SIL1: variants seen among roughly 807,000 people sequenced by gnomAD.
The protein encoded by SIL1 is nucleotide exchange factor SIL1.
A neutral mutation model predicts 49.1 loss-of-function variants in SIL1; 40 were observed. That is an observed-to-expected ratio of 0.81 (90% CI 0.63 to 1.06). The LOEUF is 1.06. SIL1 is among the 50% of genes least tolerant of loss of function. SIL1 has a pLI of 0.00. For synonymous variants in SIL1, 253 were observed against 250.8 expected (o/e 1.01, Z -0.08); for missense variants, 500 against 572.6 (o/e 0.87, Z 1.29).
intron 2 of SIL1, among the ~76,000 whole-genome samples, chr5:139,125,524 C>A (rs1750734973): frequency 6.6e-6 from 1 of 152,136 alleles, no homozygotes; most frequent in African/African-American, 2.4e-5. Flanking sequence ...TTGACACAGC[C>A]CAAATTAAAC....
At chr5:139,025,874 T>A (rs1446392924) in intron 6 of SIL1, among the ~76,000 whole-genome samples, 1 of 152,252 alleles carries the variant, frequency 6.6e-6, no homozygotes, top group Non-Finnish European at 1.5e-5. Flanking sequence ...TCTGCCATTG[T>A]GGCATAAAAA....
At chr5:139,047,501 C>T (rs1769191507) in intron 4 of SIL1, among the ~76,000 whole-genome samples, 1 of 152,200 alleles carries the variant, frequency 6.6e-6, no homozygotes, top group African/African-American at 2.4e-5. Flanking sequence ...TCCCCATCTC[C>T]CTCTAGGCCA....
In SIL1 at chr5:139,127,739, C is replaced by G; in HGVS notation, c.105G>C (p.Leu35=). The change falls in exon 2 of 10, where the codon CTG becomes CTC. Residue 35 remains leucine (L), a splice_region_variant and synonymous_variant. Coordinates refer to ENST00000394817, the MANE Select transcript of SIL1 (RefSeq NM_022464.5). ...CFTFCLSHQN[L]KEFALTNPEK... is the part of the protein sequence containing the mutation. Reference sequence around the variant, plus strand: ...TCCCATTTACAATAAAGATATTTACCAGGTTCTGATGACTGAGGCAGAAGG... The same window carrying G: ...TCCCATTTACAATAAAGATATTTACGAGGTTCTGATGACTGAGGCAGAAGG... 6.2e-7 allele frequency: 1 copy of G among 1,608,162 alleles called. No homozygotes were observed. The highest frequency in any genetic ancestry group is 1.1e-5 in the South Asian group (1 of 90,102).
At chr5:139,053,126 A>T (rs1769330006) in intron 3 of SIL1, among the ~76,000 whole-genome samples, 1 of 152,182 alleles carries the variant, frequency 6.6e-6, no homozygotes, top group African/African-American at 2.4e-5. Context: ...AGGCTGCCTC[A>T]CCTGGAGAGA....
chr5:139,042,804 A>G, intron 4 of SIL1, 85 bp from the exon 5 acceptor site: 1 of 1,197,182 alleles, frequency 8.4e-7, no homozygotes, highest in South Asian at 1.2e-5. Context: ...CTGGGTGGCC[A>G]AGATGGAAGG....
At chr5:139,064,564 G>A (rs1405343252) in intron 3 of SIL1, among the ~76,000 whole-genome samples, 3 of 152,220 alleles carry the variant, frequency 2.0e-5, no homozygotes, top group African/African-American at 7.2e-5. Flanking sequence ...CCTTTCACCT[G>A]TCAAAGTGTA....
At chr5:139,120,856 T>G (rs1422663184) in intron 3 of SIL1, among the ~76,000 whole-genome samples, 179 bp downstream of exon 3, 3 of 152,200 alleles carry the variant, frequency 2.0e-5, no homozygotes, top group Non-Finnish European at 4.4e-5. Flanking sequence ...CAATCTCTGT[T>G]CTGCTGGAAA....
intron 3 of SIL1, among the ~76,000 whole-genome samples, chr5:139,087,253 A>G (rs1770243122): frequency 6.6e-6 from 1 of 152,186 alleles, no homozygotes; most frequent in African/African-American, 2.4e-5. Flanking sequence ...TTCATTCCTA[A>G]TCCAACATCC....
chr5:139,180,092 G>C (rs911290292), intron 1 of SIL1, among the ~76,000 whole-genome samples: 1 of 148,740 alleles, frequency 6.7e-6, no homozygotes, highest in Non-Finnish European at 1.5e-5. Context: ...GGCCAGGCAC[G>C]GTGGCTCATG....
chr5:139,079,094 C>G (rs1770014651), intron 3 of SIL1, among the ~76,000 whole-genome samples: 1 of 152,150 alleles, frequency 6.6e-6, no homozygotes, highest in Non-Finnish European at 1.5e-5. Flanking sequence ...TATCAGATAG[C>G]ACAGAAGTAG....
At chr5:139,165,149 G>A (rs1312998332) in intron 1 of SIL1, among the ~76,000 whole-genome samples, 1 of 152,186 alleles carries the variant, frequency 6.6e-6, no homozygotes. Flanking sequence ...TCTCTCTGAA[G>A]TGTGCTACCT....
At chr5:138,974,352 C>A (rs1026085937) in intron 7 of SIL1, among the ~76,000 whole-genome samples, 2 of 152,234 alleles carry the variant, frequency 1.3e-5, no homozygotes, top group Non-Finnish European at 2.9e-5. Context: ...TGTCCTCCCC[C>A]TTTGGGCCTG....
At chr5:139,182,878 G>A (rs373144398) in intron 1 of SIL1, among the ~76,000 whole-genome samples, 11 of 152,316 alleles carry the variant, frequency 7.2e-5, no homozygotes, top group East Asian at 3.9e-4. Flanking sequence ...CCAAAAGCTT[G>A]CCACCATAAT....
intron 4 of SIL1, among the ~76,000 whole-genome samples, chr5:139,048,813 G>C (rs1769226923): frequency 6.6e-6 from 1 of 152,388 alleles, no homozygotes; most frequent in East Asian, 1.9e-4. Context: ...AAGTTTGGCA[G>C]GGGCCGTGAC....
chr5:139,163,548 T>C (rs982272185), intron 1 of SIL1, among the ~76,000 whole-genome samples: 2 of 151,966 alleles, frequency 1.3e-5, no homozygotes, highest in African/African-American at 4.8e-5. Flanking sequence ...TTTTGTGTTT[T>C]TGGTAGAGAT....
Position 138,948,097 on chromosome 5 carries a change from G to C in SIL1, c.1030-624C>G, listed in dbSNP as rs945160384. 6.6e-6 allele frequency among the ~76,000 whole-genome samples: 1 copy of C among 152,208 alleles called. No homozygotes were observed. The highest frequency in any genetic ancestry group is 1.5e-5 in the Non-Finnish European group (1 of 68,040). On this transcript the variant is annotated intron_variant, in intron 9 of 9. Coordinates refer to ENST00000394817, the MANE Select transcript of SIL1 (RefSeq NM_022464.5). The surrounding 1 kb of genome is among the most constrained non-coding windows in gnomAD (Gnocchi z 4.8). ...CCGTGCAGCTGTAGGAAGTGTGCCT[G>C]TATGGAGAAAGAAGGAATGCCTGCC...
At chr5:139,176,820 C>T (rs1191245112) in intron 1 of SIL1, among the ~76,000 whole-genome samples, 1 of 151,998 alleles carries the variant, frequency 6.6e-6, no homozygotes, top group Admixed American at 6.6e-5. Flanking sequence ...CACATTCAGA[C>T]CATGGCACTA....
At chr5:139,126,815 C>A (rs141527341) in intron 2 of SIL1, among the ~76,000 whole-genome samples, 1 of 152,364 alleles carries the variant, frequency 6.6e-6, no homozygotes, top group African/African-American at 2.4e-5. Context: ...TTATTAAATT[C>A]ATCACAATTG....
intron 7 of SIL1, among the ~76,000 whole-genome samples, chr5:138,976,538 C>T (rs1767397388): frequency 1.3e-5 from 2 of 151,788 alleles, no homozygotes; most frequent in South Asian, 4.2e-4. Flanking sequence ...GGTCTCAAAC[C>T]CCTGAGCTCA....
Sources: gnomAD v4.1 joint callset for allele counts (sites outside exome capture counted in the v4.1 genomes callset) on GRCh38, gnomAD v4.1.1 for gene constraint, Gnocchi (gnomAD v3.1) non-coding constraint, MANE v1.5 for transcripts, NCBI Gene and HGNC (gene_info 2026-07-23, HGNC 2026-07-21) for gene names.